The following ATP2B2 variants were observed in gnomAD, a reference collection of about 807,000 sequenced individuals.
ATP2B2 encodes ATPase plasma membrane Ca2+ transporting 2, also known as plasma membrane calcium-transporting ATPase 2.
In ATP2B2, 15 loss-of-function variants were observed where a neutral mutation model predicts 120.0. The ratio of observed to expected loss-of-function variants is 0.12; its 90% CI spans 0.08 to 0.19. ATP2B2 has a LOEUF of 0.19. Ranked by LOEUF, ATP2B2 falls within the 10% of genes least tolerant of loss-of-function variation. The pLI is 1.00. For synonymous variants in ATP2B2, 694 were observed against 700.3 expected, an observed-to-expected ratio of 0.99 and a Z score of 0.14; for missense variants, 1,045 against 1,719.8, an observed-to-expected ratio of 0.61 and a Z score of 6.94.
chr3:10,440,016 T>C (rs1173107354), intron 2 of ATP2B2, among the ~76,000 whole-genome samples: 1 of 139,986 alleles, frequency 7.1e-6, no homozygotes, highest in Non-Finnish European at 1.5e-5. Context: ...GGTGGGAGGA[T>C]CACTGAGCCC....
chr3:10,654,743 T>C (rs1321972683), intron 1 of ATP2B2, among the ~76,000 whole-genome samples: 1 of 147,214 alleles, frequency 6.8e-6, no homozygotes, highest in Non-Finnish European at 1.5e-5. Context: ...CATAGGGGAG[T>C]GGTCCTCAGT....
chr3:10,358,456 G>A (rs1455933875), intron 14 of ATP2B2, among the ~76,000 whole-genome samples: 4 of 152,246 alleles, frequency 2.6e-5, no homozygotes, highest in Admixed American at 6.5e-5. Flanking sequence ...CCATGGCAGA[G>A]CAATACCTGC....
At chr3:10,566,876 T>C (rs1478836706) in intron 2 of ATP2B2, among the ~76,000 whole-genome samples, 1 of 152,212 alleles carries the variant, frequency 6.6e-6, no homozygotes, top group Non-Finnish European at 1.5e-5. Flanking sequence ...CAGGATATAT[T>C]AGTGGGTTAA....
At chr3:10,505,746 G>C (rs1362503549), upstream of ATP2B2, 2 of 122,026 alleles carry the variant, frequency 1.6e-5, no homozygotes, top group African/African-American at 3.0e-5. Flanking sequence ...GGGAGGGAGG[G>C]ACACAGGGAG....
chr3:10,690,226 G>A (rs2071626210), intron 1 of ATP2B2, among the ~76,000 whole-genome samples: 2 of 152,198 alleles, frequency 1.3e-5, no homozygotes, highest in East Asian at 1.9e-4. Flanking sequence ...GCTGATTCTC[G>A]AAGGAGGCCC....
At chr3:10,655,826 T>G (rs146312676) in intron 1 of ATP2B2, among the ~76,000 whole-genome samples, 1 of 152,326 alleles carries the variant, frequency 6.6e-6, no homozygotes, top group Non-Finnish European at 1.5e-5. Flanking sequence ...ACCTCCCTCA[T>G]AATAAACTGT....
In ATP2B2 at chr3:10,434,029, TA is replaced by T. The variant is rs201064707; in HGVS notation, c.199+15315del. Among the ~76,000 whole-genome samples the T allele has an allele frequency of 9.2e-4, 135 of 147,472 alleles. 1 individual carries two copies. Among genetic ancestry groups the T allele is most frequent in the East Asian group, 2.4e-3 (12 of 5,104 alleles). ...ACCCAATAAATTGTTCTTTAAAGTG[TA>T]AAAAAAAAAATGCAGCAGCTTATTT... On this transcript the variant is annotated intron_variant, in intron 2 of 22. Coordinates refer to ENST00000360273, the MANE Select transcript of ATP2B2 (RefSeq NM_001001331.4).
At chr3:10,699,166 CT>C (rs1237850082) in intron 1 of ATP2B2, among the ~76,000 whole-genome samples, 2 of 152,222 alleles carry the variant, frequency 1.3e-5, no homozygotes, top group Admixed American at 6.5e-5. Context: ...GCTCTCTTCT[CT>C]TCTTTCACCC....
chr3:10,559,300 A>C (rs1559458407), intron 2 of ATP2B2, among the ~76,000 whole-genome samples: 1 of 152,164 alleles, frequency 6.6e-6, no homozygotes, highest in Non-Finnish European at 1.5e-5. Flanking sequence ...GATAGGAGGA[A>C]TAAGTTGTAG....
In ATP2B2 at chr3:10,358,891, G is replaced by C; in HGVS notation, c.1936C>G (p.Arg646Gly). 3 of 1,613,968 alleles carry C rather than the reference G, an allele frequency of 1.9e-6. No homozygotes were observed. Among genetic ancestry groups the C allele is most frequent in the Non-Finnish European group, 2.5e-6 (3 of 1,180,016 alleles). The part of the protein sequence containing the change: ...CKILNGAGEP[R>G]VFRPRDRDEM... ...TCCCGGTCGCGGGGCCGGAAGACACGAGGCTCTCCCGCCCCATTGAGGATT... is the reference window on the plus strand; with the variant it reads ...TCCCGGTCGCGGGGCCGGAAGACACCAGGCTCTCCCGCCCCATTGAGGATT... The change falls in exon 14 of 23, where the codon CGT (arginine) becomes GGT (glycine). Residue 646 changes from arginine to glycine, a missense_variant. By Grantham distance (125) the Arg-to-Gly change is moderately radical. This residue lies in a region of ATP2B2 where 343 missense variants were observed against 536.8 expected (regional missense o/e 0.64). Coordinates refer to ENST00000360273, the MANE Select transcript of ATP2B2 (RefSeq NM_001001331.4).
intron 1 of ATP2B2, among the ~76,000 whole-genome samples, chr3:10,467,675 C>T (rs1372808432): frequency 1.3e-5 from 2 of 152,194 alleles, no homozygotes; most frequent in East Asian, 3.9e-4. Context: ...ATGCACTGGG[C>T]ACCTGCTGTG....
At chr3:10,624,220 T>C (rs1324398706) in intron 1 of ATP2B2, among the ~76,000 whole-genome samples, 3 of 152,210 alleles carry the variant, frequency 2.0e-5, no homozygotes, top group Non-Finnish European at 2.9e-5. Flanking sequence ...CTTTGGGGAA[T>C]GGTGGCCTCA....
intron 2 of ATP2B2, among the ~76,000 whole-genome samples, chr3:10,595,123 C>A (rs193224203): frequency 5.3e-4 from 80 of 152,326 alleles, no homozygotes; most frequent in African/African-American, 1.8e-3. Context: ...AGGATGCTGA[C>A]CGCAGTGCAT....
At chr3:10,506,307 C>T (rs990584069), upstream of ATP2B2, among the ~76,000 whole-genome samples, 4 of 152,248 alleles carry the variant, frequency 2.6e-5, no homozygotes, top group South Asian at 8.3e-4. Context: ...TGGGGGCTGG[C>T]TTGGCAGAAG....
At chr3:10,348,671 A>C (rs2060494238) in intron 16 of ATP2B2, among the ~76,000 whole-genome samples, 1 of 152,180 alleles carries the variant, frequency 6.6e-6, no homozygotes, top group Non-Finnish European at 1.5e-5. Flanking sequence ...CCCACCTTCC[A>C]TGGCCTGTGA....
In ATP2B2 at chr3:10,385,068, G is replaced by T. The variant is rs141988752; in HGVS notation, c.1000+200C>A. Among the ~76,000 whole-genome samples the T allele has an allele frequency of 1.2e-3, 176 of 152,334 alleles. 6 individuals are homozygous for T. In the South Asian group the frequency reaches 0.027, roughly 23 times the overall value. On this transcript the variant is annotated intron_variant, in intron 8 of 22. Coordinates refer to ENST00000360273, the MANE Select transcript of ATP2B2 (RefSeq NM_001001331.4). ...CCAGCACCTTTTTGGCAGCTGTGAG[G>T]CTGACAGGTTGCAGAGCTGACTCCC... is the stretch of plus-strand genomic sequence containing the variant.
chr3:10,560,618 T>C (rs995464630), intron 2 of ATP2B2, among the ~76,000 whole-genome samples: 4 of 152,280 alleles, frequency 2.6e-5, no homozygotes, highest in South Asian at 4.2e-4. Context: ...GTAGATTCTA[T>C]ATCTAGCACC....
In ATP2B2 at chr3:10,328,558, T is replaced by A; in HGVS notation, c.*256A>T. 1.1e-5 allele frequency: 5 copies of A among 449,128 alleles called. No individual in the cohort carries two copies. Among genetic ancestry groups the A allele is most frequent in the Non-Finnish European group, 1.6e-5 (4 of 252,292 alleles). 27.8% of individuals were successfully genotyped at this position (449,128 alleles called of 1,614,324 possible). The stretch of plus-strand genomic sequence containing the variant: ...CTGGGTGGGAGCCAGGAAGGGCTTG[T>A]TTTGGGAAAACCGCTCACTCCCGTA... On this transcript the variant is annotated 3_prime_UTR_variant, in exon 23 of 23. Transcript: ENST00000360273.
At chr3:10,447,808 T>C (rs1480909298) in intron 2 of ATP2B2, among the ~76,000 whole-genome samples, 1 of 152,180 alleles carries the variant, frequency 6.6e-6, no homozygotes, top group Non-Finnish European at 1.5e-5. Context: ...AATCACACTA[T>C]GAGGAAAGGT....
Sources: gnomAD v4.1 joint callset for allele counts (sites outside exome capture counted in the v4.1 genomes callset) on GRCh38, gnomAD v4.1.1 for gene constraint, gnomAD v4.1.1 regional missense constraint, MANE v1.5 for transcripts, NCBI Gene and HGNC (gene_info 2026-07-23, HGNC 2026-07-21) for gene names.